Variants in SYNPR observed in about 807,000 individuals in gnomAD.
SYNPR encodes the protein synaptoporin.
SYNPR carries 23 observed loss-of-function variants against 32.9 expected under a neutral mutation model. The ratio of observed to expected loss-of-function variants is 0.70; its 90% CI spans 0.50 to 0.99. SYNPR has a LOEUF of 0.99. Among genes scored for constraint, SYNPR ranks in the 50% least tolerant of loss-of-function variants. The pLI is 0.00. For synonymous variants in SYNPR, 146 were observed against 135.9 expected, an observed-to-expected ratio of 1.07 and a Z score of -0.52; for missense variants, 318 against 349.3, an observed-to-expected ratio of 0.91 and a Z score of 0.71.
chr3:63,312,002 T>C (rs1489058140), intron 2 of SYNPR, among the ~76,000 whole-genome samples: 1 of 151,928 alleles, frequency 6.6e-6, no homozygotes, highest in Non-Finnish European at 1.5e-5. Context: ...AAGGAGAGGG[T>C]AATACAGGAT....
rs1054849695 is a variant in SYNPR at position 63,264,828 on chromosome 3, C to T, written n.155-2489C>T. 1.7e-3 allele frequency among the ~76,000 whole-genome samples: 262 copies of T among 152,186 alleles called. 2 individuals carry two copies. Among genetic ancestry groups the T allele is most frequent in the African/African-American group, 5.9e-3 (245 of 41,526 alleles). On this transcript the variant is annotated intron_variant and non_coding_transcript_variant, in intron 2 of 4. Transcript: ENST00000478456. ...ACAGGGTGGAAGGACGGAGTGAGGGCAAGCCGGGGAAATTCCAGACGCTTA... is the reference window on the plus strand; with the variant it reads ...ACAGGGTGGAAGGACGGAGTGAGGGTAAGCCGGGGAAATTCCAGACGCTTA...
intron 4 of SYNPR, among the ~76,000 whole-genome samples, chr3:63,574,102 G>A (rs1244556798): frequency 2.0e-5 from 3 of 152,190 alleles, no homozygotes; most frequent in Non-Finnish European, 2.9e-5. Flanking sequence ...CAAAATGCTT[G>A]ACAGTCAGTG....
chr3:63,457,785 G>A (rs1028511643), intron 2 of SYNPR, among the ~76,000 whole-genome samples: 4 of 152,062 alleles, frequency 2.6e-5, no homozygotes, highest in Admixed American at 2.6e-4. Flanking sequence ...GCGAACTTTG[G>A]TCCAGGAAGG....
chr3:63,510,384 A>G (rs1701673277), intron 3 of SYNPR, among the ~76,000 whole-genome samples: 1 of 152,202 alleles, frequency 6.6e-6, no homozygotes, highest in Admixed American at 6.5e-5. Flanking sequence ...GCTCAAGTCC[A>G]GCTGAGCCAT....
At chr3:63,510,732 G>T (rs960227026) in intron 3 of SYNPR, among the ~76,000 whole-genome samples, 6 of 152,056 alleles carry the variant, frequency 3.9e-5, no homozygotes, top group Non-Finnish European at 7.4e-5. Flanking sequence ...AGAGTATGGG[G>T]TTTTTTGTGT....
At chr3:63,330,475 C>G (rs985741759) in intron 2 of SYNPR, among the ~76,000 whole-genome samples, 1 of 151,720 alleles carries the variant, frequency 6.6e-6, no homozygotes, top group African/African-American at 2.4e-5. Context: ...TAGAAAGAGT[C>G]TCACCTCATG....
intron 2 of SYNPR, among the ~76,000 whole-genome samples, chr3:63,415,136 T>G (rs2088523374): frequency 6.6e-6 from 1 of 152,248 alleles, no homozygotes; most frequent in South Asian, 2.1e-4. Flanking sequence ...TTCCTACTTT[T>G]TACTGTTATC....
chr3:63,306,420 A>G (rs1176550148), intron 2 of SYNPR, among the ~76,000 whole-genome samples: 2 of 151,994 alleles, frequency 1.3e-5, no homozygotes, highest in Admixed American at 6.6e-5. Flanking sequence ...GGATAGCTGT[A>G]CTAAGGCAGG....
intron 2 of SYNPR, among the ~76,000 whole-genome samples, chr3:63,368,874 C>G (rs12638620): frequency 0.13 from 20,430 of 152,168 alleles, 2,108 homozygotes; most frequent in East Asian, 0.56. Flanking sequence ...GACATTCAAA[C>G]AAAGCTTCAA....
At chr3:63,224,003 C>A (rs140279489), upstream of SYNPR, among the ~76,000 whole-genome samples, 1 of 152,176 alleles carries the variant, frequency 6.6e-6, no homozygotes, top group South Asian at 2.1e-4. Flanking sequence ...AAGATATAGT[C>A]CTTGCCCTTA....
chr3:63,427,704 G>A (rs375462968), intron 2 of SYNPR: 80 of 152,358 alleles, frequency 5.3e-4, no homozygotes, highest in African/African-American at 1.9e-3. Context: ...TAATCCCCTA[G>A]AGGGGAGCTC....
At chr3:63,279,162 G>A (rs1300381855) in intron 2 of SYNPR, among the ~76,000 whole-genome samples, 1 of 152,116 alleles carries the variant, frequency 6.6e-6, no homozygotes, top group Non-Finnish European at 1.5e-5. Flanking sequence ...GGAAGACTTG[G>A]CCAAGCTCAG....
intron 1 of SYNPR, among the ~76,000 whole-genome samples, chr3:63,246,932 T>G (rs2086296806): frequency 6.7e-6 from 1 of 150,360 alleles, no homozygotes; most frequent in South Asian, 2.1e-4. Context: ...AAACATTAAA[T>G]GACATAGTAT....
chr3:63,569,009 G>A (rs1702840774), intron 4 of SYNPR, among the ~76,000 whole-genome samples: 1 of 152,176 alleles, frequency 6.6e-6, no homozygotes, highest in Non-Finnish European at 1.5e-5. Flanking sequence ...GCAGATGGTA[G>A]ATGCTTAGTA....
intron 4 of SYNPR, among the ~76,000 whole-genome samples, chr3:63,604,178 G>C (rs11922802): frequency 0.063 from 9,635 of 152,160 alleles, 896 homozygotes; most frequent in African/African-American, 0.2. Context: ...CATCTTTGTG[G>C]AGTCAGTGGT....
At chr3:63,373,046 C>T (rs2087841328) in intron 2 of SYNPR, among the ~76,000 whole-genome samples, 2 of 152,058 alleles carry the variant, frequency 1.3e-5, no homozygotes, top group Non-Finnish European at 2.9e-5. Context: ...AACCCCCAGC[C>T]CTCTAAAAAC....
chr3:63,319,583 C>G (rs1275153020), intron 2 of SYNPR, among the ~76,000 whole-genome samples: 1 of 151,700 alleles, frequency 6.6e-6, no homozygotes, highest in African/African-American at 2.4e-5. Context: ...TTAAAGATAT[C>G]TACAATGAAA....
intron 5 of SYNPR, 137 bp downstream of exon 5, chr3:63,609,453 C>A: frequency 1.5e-6 from 1 of 674,044 alleles, no homozygotes; most frequent in Non-Finnish European, 2.3e-6. Flanking sequence ...TACTTCACCT[C>A]AGGTACAGGA....
chr3:63,485,805 A>T (rs1247642802), intron 3 of SYNPR, among the ~76,000 whole-genome samples: 1 of 152,204 alleles, frequency 6.6e-6, no homozygotes, highest in Non-Finnish European at 1.5e-5. Context: ...GTTTGTAAAA[A>T]TCTTCCTTCA....
Sources: allele counts gnomAD v4.1 joint callset (sites outside exome capture counted in the v4.1 genomes callset), GRCh38; gene constraint gnomAD v4.1.1; transcripts MANE v1.5; gene names NCBI Gene and HGNC (gene_info 2026-07-23, HGNC 2026-07-21).